Variants in STXBP5L observed in about 807,000 individuals in gnomAD.
STXBP5L encodes syntaxin-binding protein 5-like.
In STXBP5L, 65 loss-of-function variants were observed where a neutral mutation model predicts 144.5. The ratio of observed to expected loss-of-function variants is 0.45; its 90% CI spans 0.37 to 0.55. The LOEUF is 0.55. STXBP5L is among the 20% of genes least tolerant of loss of function. The probability of loss-of-function intolerance (pLI) is 0.00; values close to 1 mark genes in which losing one functional copy is unlikely to be tolerated. For synonymous variants in STXBP5L, 505 were observed against 469.6 expected, an observed-to-expected ratio of 1.08 and a Z score of -0.97; for missense variants, 1,298 against 1,405.5, an observed-to-expected ratio of 0.92 and a Z score of 1.22.
At chr3:121,097,725 C>T (rs756045506) in intron 5 of STXBP5L, among the ~76,000 whole-genome samples, 9 of 152,136 alleles carry the variant, frequency 5.9e-5, no homozygotes, top group Admixed American at 3.3e-4. Context: ...GTGTCGATCT[C>T]GCTGGGAACT....
intron 2 of STXBP5L, among the ~76,000 whole-genome samples, chr3:120,925,592 C>T (rs1474792385): frequency 6.6e-6 from 1 of 152,106 alleles, no homozygotes; most frequent in Non-Finnish European, 1.5e-5. Context: ...TTTATCCATT[C>T]AGCCACCCTA....
intron 2 of STXBP5L, among the ~76,000 whole-genome samples, chr3:120,916,693 CTG>C (rs1273327598): frequency 1.3e-5 from 2 of 152,116 alleles, no homozygotes; most frequent in East Asian, 3.8e-4. Context: ...ATAAATAAAA[CTG>C]ATCATTTTGG....
intron 3 of STXBP5L, among the ~76,000 whole-genome samples, chr3:121,032,421 C>A (rs543533496): frequency 5.5e-4 from 84 of 152,180 alleles, no homozygotes; most frequent in Middle Eastern, 3.4e-3. Context: ...TTATTCGTGA[C>A]CTTATTAGCC....
intron 19 of STXBP5L, among the ~76,000 whole-genome samples, chr3:121,290,172 AAGAAG>A (rs1353365273): frequency 6.6e-6 from 1 of 152,194 alleles, no homozygotes; most frequent in Non-Finnish European, 1.5e-5. Flanking sequence ...TAACCAAGAA[AAGAAG>A]AGAGAAGATC....
intron 19 of STXBP5L, among the ~76,000 whole-genome samples, chr3:121,281,430 A>C (rs1229238552): frequency 6.6e-6 from 1 of 152,006 alleles, no homozygotes; most frequent in African/African-American, 2.4e-5. Context: ...AGGAAAGACA[A>C]GTTTGAAGTT....
At chr3:121,191,711 G>A (rs368598002) in intron 9 of STXBP5L, among the ~76,000 whole-genome samples, 109 of 152,292 alleles carry the variant, frequency 7.2e-4, no homozygotes, top group African/African-American at 2.5e-3. Context: ...ATGTCCATCA[G>A]TGATAGACTG....
intron 14 of STXBP5L, among the ~76,000 whole-genome samples, chr3:121,241,192 C>T (rs565284132): frequency 1.3e-5 from 2 of 152,156 alleles, no homozygotes; most frequent in African/African-American, 4.8e-5. Context: ...TTCTTTCTGC[C>T]TCATATATCC....
At chr3:121,143,453 A>G (rs1396298981) in intron 7 of STXBP5L, among the ~76,000 whole-genome samples, 3 of 151,924 alleles carry the variant, frequency 2.0e-5, no homozygotes, top group African/African-American at 7.2e-5. Context: ...AACTGAATCC[A>G]AGAGCACGTT....
intron 18 of STXBP5L, among the ~76,000 whole-genome samples, chr3:121,262,700 T>C (rs1559916711): frequency 6.6e-6 from 1 of 152,202 alleles, no homozygotes; most frequent in Admixed American, 6.5e-5. Flanking sequence ...CTTCTCCAAC[T>C]GTTACCTTAT....
At chr3:121,067,396 G>C (rs995766982) in intron 5 of STXBP5L, among the ~76,000 whole-genome samples, 2 of 151,956 alleles carry the variant, frequency 1.3e-5, no homozygotes, top group Non-Finnish European at 2.9e-5. Context: ...TTTGAACCTT[G>C]TGTTATTTAG....
intron 20 of STXBP5L, among the ~76,000 whole-genome samples, chr3:121,334,908 G>C (rs1436771918): frequency 6.6e-6 from 1 of 151,830 alleles, no homozygotes; most frequent in Non-Finnish European, 1.5e-5. Context: ...GCACAAGTAT[G>C]CTCACCCACC....
chr3:121,419,064 G>A lies in STXBP5L; in HGVS notation c.3456G>A (p.Leu1152=). The A allele has an allele frequency of 6.2e-7, 1 of 1,610,916 alleles. No homozygotes were observed. The highest frequency in any genetic ancestry group is 8.5e-7 in the Non-Finnish European group (1 of 1,178,768). The change falls in exon 27 of 27, where the codon CTG becomes CTA. Residue 1152 remains leucine (L), a synonymous_variant. Transcript: ENST00000471454. ...CTATTTTTTCTTTGCAGTTAATGCT[G>A]AAATACAAGGATAAGAAATGGTACC... ...AFSKHAHELM[L]KYKDKKWYQF
chr3:121,137,160 T>G (rs574365267), intron 7 of STXBP5L, among the ~76,000 whole-genome samples: 1 of 152,244 alleles, frequency 6.6e-6, no homozygotes, highest in African/African-American at 2.4e-5. Context: ...AAACTATTTG[T>G]ACACCAAACC....
At chr3:121,100,221 A>G (rs1360152477) in intron 5 of STXBP5L, among the ~76,000 whole-genome samples, 2 of 152,158 alleles carry the variant, frequency 1.3e-5, no homozygotes, top group Admixed American at 1.3e-4. Flanking sequence ...GAAATTCTGG[A>G]TTAAATTTAA....
chr3:121,325,493 A>G (rs548010275), intron 20 of STXBP5L, among the ~76,000 whole-genome samples: 1 of 152,184 alleles, frequency 6.6e-6, no homozygotes, highest in South Asian at 2.1e-4. Context: ...TACAAAAAAT[A>G]ATCACAATTA....
chr3:120,961,873 A>G (rs183298791), intron 3 of STXBP5L, among the ~76,000 whole-genome samples: 2 of 152,216 alleles, frequency 1.3e-5, no homozygotes, highest in African/African-American at 2.4e-5. Context: ...TAGTTGAACT[A>G]GTTTACACTC....
chr3:121,142,166 A>G (rs956934057), intron 7 of STXBP5L, among the ~76,000 whole-genome samples: 9 of 152,032 alleles, frequency 5.9e-5, no homozygotes, highest in Non-Finnish European at 1.3e-4. Flanking sequence ...TTATCATGAG[A>G]CAAAGAAGGA....
At chr3:121,137,027 G>C (rs1193933510) in intron 7 of STXBP5L, among the ~76,000 whole-genome samples, 1 of 152,136 alleles carries the variant, frequency 6.6e-6, no homozygotes, top group Non-Finnish European at 1.5e-5. Context: ...GCTAAACGTT[G>C]TGTACACACA....
intron 3 of STXBP5L, among the ~76,000 whole-genome samples, chr3:120,980,352 A>G (rs1021051199): frequency 1.3e-5 from 2 of 151,828 alleles, no homozygotes; most frequent in Non-Finnish European, 1.5e-5. Flanking sequence ...TTTGCTATTT[A>G]TCTCTTAGTT....
Sources: gnomAD v4.1 joint callset for allele counts (sites outside exome capture counted in the v4.1 genomes callset) on GRCh38, gnomAD v4.1.1 for gene constraint, MANE v1.5 for transcripts, NCBI Gene and HGNC (gene_info 2026-07-23, HGNC 2026-07-21) for gene names.